ANKRD26: variants seen among roughly 807,000 people sequenced by gnomAD.
ANKRD26 encodes the protein ankyrin repeat domain-containing protein 26.
ANKRD26 carries 141 observed loss-of-function variants against 208.7 expected under a neutral mutation model. The ratio of observed to expected loss-of-function variants is 0.68; its 90% confidence interval spans 0.59 to 0.78. The LOEUF (loss-of-function observed/expected upper bound fraction) is 0.78. Among genes scored for constraint, ANKRD26 ranks in the 30% least tolerant of loss-of-function variants. The pLI, the probability that ANKRD26 is intolerant of heterozygous loss-of-function variation, is 0.00. For missense variants in ANKRD26, 1,889 were observed against 1,938.7 expected, an observed-to-expected ratio of 0.97 and a Z score of 0.48; for synonymous variants, 636 against 660.4, an observed-to-expected ratio of 0.96 and a Z score of 0.57.
intron 27 of ANKRD26, 51 bp from the exon 28 acceptor site, chr10:27,024,610 T>C: frequency 9.2e-7 from 1 of 1,087,430 alleles, no homozygotes; most frequent in South Asian, 1.3e-5. Context: ...AAACACTTTT[T>C]TTCTTAAAAC....
chr10:26,983,859 C>A (rs1409792502), intron 3 of ANKRD26, among the ~76,000 whole-genome samples: 3 of 152,084 alleles, frequency 2.0e-5, no homozygotes, highest in African/African-American at 7.2e-5. Context: ...GGACACCAGA[C>A]CATTTCTGTG....
intron 16 of ANKRD26, chr10:27,051,493 C>T: frequency 9.4e-7 from 1 of 1,059,092 alleles, no homozygotes; most frequent in African/African-American, 1.7e-5. Flanking sequence ...TCTTTCATTA[C>T]ACCTGTAACT....
At chr10:27,028,822 A>G (rs753560980) in intron 27 of ANKRD26, 30 bp downstream of exon 27, 1 of 1,555,556 alleles carries the variant, frequency 6.4e-7, no homozygotes, top group Non-Finnish European at 8.9e-7. Flanking sequence ...ATTCCTTTTC[A>G]GTACGACAGA....
chr10:27,024,360 T>C (rs2053591288), intron 28 of ANKRD26, 87 bp downstream of exon 28: 2 of 714,692 alleles, frequency 2.8e-6, no homozygotes, highest in Non-Finnish European at 4.6e-6. Flanking sequence ...AGATATTAAA[T>C]GAATTTATAT....
At chr10:26,997,331 T>C (rs1001781996) in intron 4 of ANKRD26, among the ~76,000 whole-genome samples, 5 of 152,240 alleles carry the variant, frequency 3.3e-5, no homozygotes, top group Admixed American at 6.5e-5. Flanking sequence ...ATAACAGATA[T>C]GGCTGCTCCT....
chr10:27,079,977 GA>G (rs1292022947), intron 6 of ANKRD26: 3 of 271,378 alleles, frequency 1.1e-5, no homozygotes, highest in African/African-American at 6.9e-5. Context: ...CCAACATAGT[GA>G]AACTCTGTCT....
intron 7 of ANKRD26, among the ~76,000 whole-genome samples, chr10:27,078,274 G>T (rs1285358852): frequency 1.3e-5 from 2 of 152,028 alleles, no homozygotes; most frequent in African/African-American, 4.8e-5. Context: ...ATCCTTGTGG[G>T]GCAATGATTG....
chr10:26,998,403 C>T (rs2052642961), intron 4 of ANKRD26, among the ~76,000 whole-genome samples: 1 of 152,122 alleles, frequency 6.6e-6, no homozygotes, highest in Non-Finnish European at 1.5e-5. Flanking sequence ...GTCTTCTGGA[C>T]TTTTGGGGGC....
At chr10:26,968,704 T>C in the ANKRD26 span, among the ~76,000 whole-genome samples, 11 of 152,218 alleles carry the variant, frequency 7.2e-5, no homozygotes, top group African/African-American at 2.7e-4. Context: ...CTTGGTAACT[T>C]GATAAGGAGA....
In ANKRD26 at chr10:27,066,491, G is replaced by A. The variant is rs1326797777; in HGVS notation, c.1265C>T (p.Ser422Phe). The change falls in exon 11 of 34, where the codon TCT becomes TTT. Residue 422 changes from serine (S) to phenylalanine (F), a missense_variant. Physicochemically the swap from Ser to Phe is radical, Grantham distance 155. Around this residue, in one of 3 missense-constraint regions of ANKRD26, gnomAD observed 1,272 missense variants for 1,273.8 expected, o/e 1.00. Coordinates refer to ENST00000376087, the MANE Select transcript of ANKRD26 (RefSeq NM_014915.3). The stretch of plus-strand genomic sequence containing the variant: ...AGTAACAACCATAGAAAGTACCTCA[G>A]AATCCCAAGGTGATTCTATATCTTC... ...QEEDIESPWD[S>F]ESISENFPQK... The A allele has an allele frequency of 6.3e-7, 1 of 1,591,456 alleles. No individual in the cohort carries two copies. Among genetic ancestry groups the A allele is most frequent in the Non-Finnish European group, 8.6e-7 (1 of 1,164,764 alleles).
At chr10:26,958,312 C>CT in the ANKRD26 span, among the ~76,000 whole-genome samples, 1 of 152,084 alleles carries the variant, frequency 6.6e-6, no homozygotes, top group Non-Finnish European at 1.5e-5. Context: ...TTTCGAACTC[C>CT]TGACCTCAAG....
intron 3 of ANKRD26, among the ~76,000 whole-genome samples, chr10:27,092,818 C>A (rs979033527): frequency 7.2e-5 from 11 of 152,156 alleles, no homozygotes; most frequent in Non-Finnish European, 1.5e-5. Flanking sequence ...CACAGTGGCT[C>A]CCACCTGTAA....
Position 27,060,555 on chromosome 10 carries a change from G to T in ANKRD26, c.1463-15C>A. ...CTCAGGAGACTCTAAAAACCAAAAGGGACATATAATCAATTATACATAAAT... is the reference window on the plus strand; with the variant it reads ...CTCAGGAGACTCTAAAAACCAAAAGTGACATATAATCAATTATACATAAAT... On this transcript the variant is annotated splice_polypyrimidine_tract_variant and intron_variant, in intron 13 of 33. Transcript: ENST00000376087. 6.7e-7 allele frequency: 1 copy of T among 1,502,036 alleles called. No individual in the cohort carries two copies. The highest frequency in any genetic ancestry group is 2.3e-5 in the East Asian group (1 of 43,972). 93.0% of individuals were successfully genotyped at this position (1,502,036 alleles called of 1,614,324 possible). A position where few individuals can be genotyped will look rare whatever the true frequency, so the allele number is the denominator to read the frequency against.
rs377476305 is a variant in ANKRD26, at chr10:26,994,311, A to G, written c.*29+730T>C. 8.5e-5 allele frequency among the ~76,000 whole-genome samples: 13 copies of G among 152,184 alleles called. No individual in the cohort carries two copies. The East Asian group carries it at 1.9e-3, about 23-fold the overall frequency. ...GCAACAAAAAACAGATCAGGAGTAA[A>G]CCTTTTGTGCCACCAGGAATGACAG... On this transcript the variant is annotated intron_variant, in intron 5 of 5. Coordinates refer to the ANKRD26 transcript ENST00000445828.
At chr10:26,969,810 T>C (rs1013048152), downstream of ANKRD26, among the ~76,000 whole-genome samples, 1 of 147,598 alleles carries the variant, frequency 6.8e-6, no homozygotes, top group Non-Finnish European at 1.5e-5. Flanking sequence ...TTTTACTTTC[T>C]GTTTTTTTTT....
At chr10:27,042,903 T>C (rs1016305037) in intron 20 of ANKRD26, among the ~76,000 whole-genome samples, 63 of 143,656 alleles carry the variant, frequency 4.4e-4, no homozygotes, top group Admixed American at 1.9e-3. Flanking sequence ...GAGGTGGAGG[T>C]TGCAGTGACA....
chr10:26,990,296 G>A (rs1447011901), downstream of ANKRD26, among the ~76,000 whole-genome samples: 1 of 152,198 alleles, frequency 6.6e-6, no homozygotes. Flanking sequence ...TTCCACAGCT[G>A]TGTGGGGGCT....
the ANKRD26 span, among the ~76,000 whole-genome samples, chr10:26,967,759 C>T: frequency 6.6e-6 from 1 of 152,168 alleles, no homozygotes; most frequent in Non-Finnish European, 1.5e-5. Flanking sequence ...CACCAAGCCA[C>T]AAACCTCAGT....
intron 1 of ANKRD26, among the ~76,000 whole-genome samples, 196 bp downstream of exon 1, chr10:27,099,889 C>T (rs976604762): frequency 6.6e-6 from 1 of 152,040 alleles, no homozygotes; most frequent in African/African-American, 2.4e-5. Context: ...GGATCGGAAA[C>T]CAGCTAGAGT....
Sources: allele counts gnomAD v4.1 joint callset (sites outside exome capture counted in the v4.1 genomes callset), GRCh38; gene constraint gnomAD v4.1.1; regional missense constraint gnomAD v4.1.1; transcripts MANE v1.5; gene names NCBI Gene and HGNC (gene_info 2026-07-23, HGNC 2026-07-21).